The following SLC7A7 variants were observed in gnomAD, a reference collection of about 807,000 sequenced individuals.
The protein encoded by SLC7A7 is Y+L amino acid transporter 1.
SLC7A7 carries 39 observed loss-of-function variants against 47.9 expected under a neutral mutation model. The observed-to-expected ratio is 0.81, with a 90% CI of 0.63 to 1.06. SLC7A7 has a LOEUF of 1.06. SLC7A7 is among the 50% of genes least tolerant of loss of function. SLC7A7 has a pLI of 0.00. For missense variants in SLC7A7, 588 were observed against 632.0 expected, an observed-to-expected ratio of 0.93 and a Z score of 0.75; for synonymous variants, 234 against 242.8, an observed-to-expected ratio of 0.96 and a Z score of 0.34.
At chr14:22,809,241 A>G (rs1269439913) in intron 2 of SLC7A7, among the ~76,000 whole-genome samples, 1 of 151,888 alleles carries the variant, frequency 6.6e-6, no homozygotes, top group Non-Finnish European at 1.5e-5. Flanking sequence ...GTGCAGTAGC[A>G]TGATCTCGGC....
chr14:22,796,593 TGA>T (rs532035303), intron 2 of SLC7A7, among the ~76,000 whole-genome samples: 1 of 152,354 alleles, frequency 6.6e-6, no homozygotes, highest in South Asian at 2.1e-4. Flanking sequence ...CAAAGAGCCC[TGA>T]ACTGCCAGGT....
chr14:22,815,901 AG>A (rs1172176166), upstream of SLC7A7: 1 of 352,036 alleles, frequency 2.8e-6, no homozygotes, highest in Non-Finnish European at 5.6e-6. Context: ...CTGAGATTAC[AG>A]GAAGTGTAAG....
intron 2 of SLC7A7, among the ~76,000 whole-genome samples, chr14:22,791,471 T>C (rs2038922761): frequency 6.6e-6 from 1 of 152,152 alleles, no homozygotes; most frequent in Admixed American, 6.6e-5. Context: ...ACATCATTCA[T>C]CCCACAGCAA....
chr14:22,812,639 T>TA (rs10566770), intron 2 of SLC7A7, among the ~76,000 whole-genome samples: 167 of 139,144 alleles, frequency 1.2e-3, no homozygotes, highest in South Asian at 1.9e-3. Context: ...CCTGTCTCTT[T>TA]AAAAAAAAAA....
chr14:22,815,706 T>G (rs762253525), upstream of SLC7A7: 1 of 453,208 alleles, frequency 2.2e-6, no homozygotes, highest in Admixed American at 2.4e-5. Context: ...GTGCAGTATC[T>G]GTAGCCCTGG....
Position 22,773,703 on chromosome 14 carries a change from C to T in SLC7A7, c.1443G>A (p.Arg481=), listed in dbSNP as rs748360606. 1.2e-6 allele frequency: 2 copies of T among 1,614,106 alleles called. No homozygotes were observed. The highest frequency in any genetic ancestry group is 1.1e-5 in the South Asian group (1 of 91,086). Reference sequence around the variant, plus strand: ...CTGACATACACAGGACCTGGAGGTACCTTGTGGCAGACCCTACAAAGAGAA... The same window carrying T: ...CTGACATACACAGGACCTGGAGGTATCTTGTGGCAGACCCTACAAAGAGAA... The part of the protein sequence containing the change: ...YLRRIVGSAT[R]YLQVLCMSVA... Residue 481 remains arginine, a synonymous_variant, in exon 10 of 10, where the codon AGG becomes AGA. Transcript: ENST00000674313.
rs921805341 is a variant in SLC7A7 at position 22,776,226 on chromosome 14, C to G, written c.863G>C (p.Arg288Thr). The change falls in exon 5 of 10, where the codon AGA becomes ACA. Residue 288 changes from arginine (R) to threonine (T), a missense_variant. Arg to Thr is a moderately conservative substitution (Grantham distance 71). Transcript: ENST00000674313. ...NVAYYTVLDM[R>T]DILASDAVAV... ...AACAGCATCACTGGCCAAGATGTCT[C>G]TCATGTCTAGCACAGTATAATAGGC... 1 of 1,614,206 alleles carries G rather than the reference C, an allele frequency of 6.2e-7. No homozygotes were observed. Among genetic ancestry groups the G allele is most frequent in the South Asian group, 1.1e-5 (1 of 91,086 alleles).
chr14:22,793,628 A>G (rs1858452672), intron 2 of SLC7A7, among the ~76,000 whole-genome samples: 1 of 152,110 alleles, frequency 6.6e-6, no homozygotes, highest in Non-Finnish European at 1.5e-5. Flanking sequence ...CCTGGGCAAC[A>G]TGGTGAAAAC....
Position 22,813,150 on chromosome 14 carries a change from G to T in SLC7A7, c.249C>A (p.Ser83=). ...CCGCATAACAAAGGGCCCCAAAGAC[G>T]GAGAAGAGGCCCCCGACAGCCCAGA... ...LVIWAVGGLF[S]VFGALCYAEL... Residue 83 remains serine, a synonymous_variant, in exon 2 of 10, where the codon TCC becomes TCA. Coordinates refer to ENST00000674313, the MANE Select transcript of SLC7A7 (RefSeq NM_003982.4). 1 of 1,614,088 alleles carries T rather than the reference G, an allele frequency of 6.2e-7. No individual in the cohort carries two copies. The highest frequency in any genetic ancestry group is 8.5e-7 in the Non-Finnish European group (1 of 1,180,024).
chr14:22,802,231 C>G (rs528274207), intron 2 of SLC7A7, among the ~76,000 whole-genome samples: 4 of 152,204 alleles, frequency 2.6e-5, no homozygotes, highest in African/African-American at 9.6e-5. Context: ...GGTGAAACCC[C>G]ATCTGTACTA....
chr14:22,777,810 A>G (rs2038643402), intron 4 of SLC7A7, among the ~76,000 whole-genome samples: 3 of 152,240 alleles, frequency 2.0e-5, no homozygotes, highest in African/African-American at 7.2e-5. Context: ...ACAGTGGCTC[A>G]TGCCTGTAAT....
At position 22,780,071 on chromosome 14, in the gene SLC7A7, G is replaced by A. The variant is rs375933584; in HGVS notation, c.500-20C>T. On this transcript the variant is annotated intron_variant, in intron 2 of 9. Coordinates refer to ENST00000674313, the MANE Select transcript of SLC7A7 (RefSeq NM_003982.4). ...AGAGACCTGAAAGAAAAATAATACT[G>A]ATTGGTGACTTACCCTTACCACCCT... 4 of 1,613,442 alleles carry A rather than the reference G, an allele frequency of 2.5e-6. No individual in the cohort carries two copies. Among genetic ancestry groups the A allele is most frequent in the Admixed American group, 1.7e-5 (1 of 59,968 alleles).
At chr14:22,810,462 CAAA>C (rs59569324) in intron 2 of SLC7A7, among the ~76,000 whole-genome samples, 3 of 95,668 alleles carry the variant, frequency 3.1e-5, no homozygotes, top group Admixed American at 1.2e-4. Context: ...AACTCCATCT[CAAA>C]AAAAAAAAAA....
intron 2 of SLC7A7, among the ~76,000 whole-genome samples, chr14:22,787,122 T>C (rs1404171821): frequency 6.6e-6 from 1 of 152,096 alleles, no homozygotes; most frequent in Non-Finnish European, 1.5e-5. Context: ...CTCCTGAGTC[T>C]TCACTGAAGT....
upstream of SLC7A7, chr14:22,815,606 C>G (rs1566466023): frequency 2.2e-6 from 1 of 454,110 alleles, no homozygotes; most frequent in Non-Finnish European, 4.4e-6. Context: ...TGGCTCAGCA[C>G]TTTCTGTGAT....
intron 1 of SLC7A7, among the ~76,000 whole-genome samples, chr14:22,813,715 C>T (rs942684538): frequency 1.3e-5 from 2 of 151,934 alleles, no homozygotes; most frequent in African/African-American, 2.4e-5. Context: ...CTCAGCCTCC[C>T]GGGTTCAAGC....
Position 22,774,441 on chromosome 14 carries a change from G to T in SLC7A7, c.1158C>A (p.Ser386Arg), listed in dbSNP as rs386833799. The T allele has an allele frequency of 6.2e-7, 1 of 1,614,166 alleles. No homozygotes were observed. ...GCCCCACAAAGAACCAGTAGCTGAA[G>T]CTGTAGTAGTTAATGAGCTGGAAGA... ...EDIFQLINYY[S>R]FSYWFFVGLS... The change falls in exon 8 of 10, where the codon AGC becomes AGA. Residue 386 changes from serine (S) to arginine (R), a missense_variant. Ser to Arg is a moderately radical substitution (Grantham distance 110). Coordinates refer to ENST00000674313, the MANE Select transcript of SLC7A7 (RefSeq NM_003982.4).
chr14:22,810,649 C>T (rs1298580475), intron 2 of SLC7A7, among the ~76,000 whole-genome samples: 1 of 152,064 alleles, frequency 6.6e-6, no homozygotes, highest in Non-Finnish European at 1.5e-5. Context: ...AGATCATCTG[C>T]AAGTAATGCA....
At chr14:22,787,412 G>C (rs2038836083) in intron 2 of SLC7A7, among the ~76,000 whole-genome samples, 4 of 148,136 alleles carry the variant, frequency 2.7e-5, no homozygotes, top group Non-Finnish European at 5.9e-5. Context: ...CTCCAGCCTG[G>C]GCGACAGAGT....
Sources: allele counts gnomAD v4.1 joint callset (sites outside exome capture counted in the v4.1 genomes callset), GRCh38; gene constraint gnomAD v4.1.1; transcripts MANE v1.5; gene names NCBI Gene and HGNC (gene_info 2026-07-23, HGNC 2026-07-21).